FAM169A: variants seen among roughly 807,000 people sequenced by gnomAD.
FAM169A encodes family with sequence similarity 169 member A, also known as soluble lamin-associated protein of 75 kDa.
In FAM169A, 24 loss-of-function variants were observed where a neutral mutation model predicts 75.7. That is an observed-to-expected ratio of 0.32 (90% confidence interval 0.23 to 0.45). The LOEUF (loss-of-function observed/expected upper bound fraction) is 0.45. Among genes scored for constraint, FAM169A ranks in the 20% least tolerant of loss-of-function variants. The pLI is 1.00. For missense variants in FAM169A, 673 were observed against 784.0 expected (o/e 0.86, Z 1.69); for synonymous variants, 271 against 271.0 (o/e 1.00, Z 0.00).
At chr5:74,812,445 C>G (rs894909948) in intron 6 of FAM169A, among the ~76,000 whole-genome samples, 2 of 144,458 alleles carry the variant, frequency 1.4e-5, no homozygotes, top group African/African-American at 5.1e-5. Flanking sequence ...ACTTTTTAAA[C>G]TTTTTTTTTT....
At chr5:74,783,827 ATAAT>A (rs1263738848) in intron 11 of FAM169A, among the ~76,000 whole-genome samples, 1 of 152,202 alleles carries the variant, frequency 6.6e-6, no homozygotes, top group Admixed American at 6.5e-5. Context: ...TGACATTCTA[ATAAT>A]TAAGGGGAAT....
At chr5:74,788,279 A>G (rs946439719) in intron 11 of FAM169A, among the ~76,000 whole-genome samples, 5 of 152,340 alleles carry the variant, frequency 3.3e-5, no homozygotes, top group South Asian at 2.1e-4. Context: ...CCCCAGTGCC[A>G]GAATGCATTA....
chr5:74,862,588 T>C (rs931040726), intron 1 of FAM169A, among the ~76,000 whole-genome samples: 4 of 152,216 alleles, frequency 2.6e-5, no homozygotes, highest in East Asian at 1.9e-4. Context: ...GACAGAATTA[T>C]CTGCTTAATG....
upstream of FAM169A, chr5:74,866,489 C>T: frequency 4.3e-6 from 3 of 692,704 alleles, no homozygotes; most frequent in Non-Finnish European, 5.3e-6. Flanking sequence ...GAGCCTGGGA[C>T]GCCGCCCTGC....
In FAM169A at chr5:74,796,079, C is replaced by T; in HGVS notation, c.1211G>A (p.Arg404Gln). 3 of 1,614,072 alleles carry T rather than the reference C, an allele frequency of 1.9e-6. No homozygotes were observed. The highest frequency in any genetic ancestry group is 2.2e-5 in the South Asian group (2 of 91,078). The change falls in exon 11 of 13, where the codon CGG becomes CAG. Residue 404 changes from arginine (R) to glutamine (Q), a missense_variant. Around this residue, in one of 3 missense-constraint regions of FAM169A, gnomAD observed 510 missense variants for 550.9 expected, o/e 0.93. Coordinates refer to ENST00000687041, the MANE Select transcript of FAM169A (RefSeq NM_001376049.1). ...FEDESSDRDA[R>Q]PALETQPQQE... ...CTGTGGCTGGGTTTCCAGTGCTGGC[C>T]GTGCATCTCTATCACTGCTTTCATC... is the stretch of plus-strand genomic sequence containing the variant.
chr5:74,825,551 TTTTC>T (rs1304928533), intron 5 of FAM169A, among the ~76,000 whole-genome samples: 15 of 152,304 alleles, frequency 9.8e-5, no homozygotes, highest in Admixed American at 9.8e-4. Flanking sequence ...TCCTTCTTGA[TTTTC>T]TTTATCTTAG....
Position 74,800,875 on chromosome 5 carries a change from T to G in FAM169A, c.1103+5A>C. The G allele has an allele frequency of 7.2e-7, 1 of 1,391,878 alleles. No homozygotes were observed. Among genetic ancestry groups the G allele is most frequent in the Non-Finnish European group, 9.4e-7 (1 of 1,063,600 alleles). The allele number at this position is 1,391,878 out of a possible 1,614,324, so 86.2% of individuals were successfully genotyped here. A position where few individuals can be genotyped will look rare whatever the true frequency, so the allele number is the denominator to read the frequency against. ...AAAATGAGAGTAAAATCAACAATTA[T>G]TTACTTGTTTATTGAAGCTGTAAGT... On this transcript the variant is annotated splice_donor_5th_base_variant and intron_variant, in intron 10 of 12. Coordinates refer to ENST00000687041, the MANE Select transcript of FAM169A (RefSeq NM_001376049.1).
intron 4 of FAM169A, among the ~76,000 whole-genome samples, chr5:74,835,573 G>C (rs1013798801): frequency 5.6e-4 from 76 of 135,400 alleles, no homozygotes; most frequent in African/African-American, 2.2e-3. Flanking sequence ...CCGCACTCCA[G>C]CCTGGGCGAC....
chr5:74,801,175 G>A, intron 9 of FAM169A, 145 bp from the exon 10 acceptor site: 1 of 536,468 alleles, frequency 1.9e-6, no homozygotes, highest in Non-Finnish European at 3.1e-6. Context: ...CTTATGTCAG[G>A]CTAAGAAAAT....
At chr5:74,826,561 T>C (rs1748038359) in intron 5 of FAM169A, among the ~76,000 whole-genome samples, 2 of 152,240 alleles carry the variant, frequency 1.3e-5, no homozygotes, top group Non-Finnish European at 2.9e-5. Context: ...CACATCCTTG[T>C]GATATCTAAA....
At chr5:74,816,796 A>C (rs1580120069) in intron 5 of FAM169A, among the ~76,000 whole-genome samples, 2 of 152,284 alleles carry the variant, frequency 1.3e-5, no homozygotes, top group East Asian at 3.9e-4. Context: ...CAGATTGTTT[A>C]TATTCCTCAA....
chr5:74,813,546 G>A (rs999508061), intron 6 of FAM169A, among the ~76,000 whole-genome samples: 4 of 151,798 alleles, frequency 2.6e-5, no homozygotes, highest in East Asian at 3.9e-4. Context: ...GGCTGGTCTC[G>A]AACTCCTGAC....
rs564183065 is a variant in FAM169A, at chr5:74,834,329, T to A, written c.490+97A>T. On this transcript the variant is annotated intron_variant, in intron 5 of 12. Transcript: ENST00000687041. ...CTAATTAAAATCACCTCAATTTGCA[T>A]GCTAGAGATTAATTTAACAGAGATA... The A allele has an allele frequency of 2.4e-5, 15 of 629,432 alleles. No individual in the cohort carries two copies. In the Admixed American group the frequency reaches 4.2e-4, roughly 18 times the overall value. The allele number at this position is 629,432 out of a possible 1,614,324, so 39.0% of individuals were successfully genotyped here. A position where few individuals can be genotyped will look rare whatever the true frequency, so the allele number is the denominator to read the frequency against.
At chr5:74,824,622 C>A in intron 5 of FAM169A, among the ~76,000 whole-genome samples, 1 of 148,616 alleles carries the variant, frequency 6.7e-6, no homozygotes, top group African/African-American at 2.5e-5. Flanking sequence ...CAAAGTCATC[C>A]ATAACATTGT....
intron 10 of FAM169A, chr5:74,799,207 G>T (rs1250644106): frequency 1.1e-5 from 14 of 1,278,192 alleles, no homozygotes; most frequent in Non-Finnish European, 1.6e-5. Context: ...CACTTGTGGG[G>T]CAGACCACAA....
At chr5:74,793,987 AG>A (rs1358313783) in intron 11 of FAM169A, among the ~76,000 whole-genome samples, 1 of 143,052 alleles carries the variant, frequency 7.0e-6, no homozygotes, top group Non-Finnish European at 1.5e-5. Context: ...TGGGTGACAG[AG>A]CGAGACTCCA....
intron 5 of FAM169A, among the ~76,000 whole-genome samples, chr5:74,817,215 G>A (rs529534930): frequency 1.3e-5 from 2 of 151,852 alleles, no homozygotes; most frequent in South Asian, 4.2e-4. Context: ...GCAAGAAAAA[G>A]AAAGAAAAGG....
At chr5:74,814,861 A>G (rs185885431) in intron 5 of FAM169A, among the ~76,000 whole-genome samples, 1 of 152,322 alleles carries the variant, frequency 6.6e-6, no homozygotes, top group Admixed American at 6.5e-5. Flanking sequence ...TAGAATTCAT[A>G]GTTATCAGTC....
intron 12 of FAM169A, 148 bp from the exon 13 acceptor site, chr5:74,782,156 CTA>C (rs1429675093): frequency 7.9e-6 from 5 of 631,864 alleles, no homozygotes; most frequent in African/African-American, 5.5e-5. Context: ...TTCTGTTCTG[CTA>C]TATGTGTATA....
Sources: gnomAD v4.1 joint callset for allele counts (sites outside exome capture counted in the v4.1 genomes callset) on GRCh38, gnomAD v4.1.1 for gene constraint, gnomAD v4.1.1 regional missense constraint, MANE v1.5 for transcripts, NCBI Gene and HGNC (gene_info 2026-07-23, HGNC 2026-07-21) for gene names.